The following BMP8B variants were observed in gnomAD, a reference collection of about 807,000 sequenced individuals.
BMP8B encodes the protein bone morphogenetic protein 8 (osteogenic protein 2).
In BMP8B, 17 loss-of-function variants were observed where a neutral mutation model predicts 30.3. The observed-to-expected ratio is 0.56, with a 90% CI of 0.38 to 0.84. BMP8B has a LOEUF of 0.84. Among genes scored for constraint, BMP8B ranks in the 40% least tolerant of loss-of-function variants. The probability of loss-of-function intolerance (pLI) is 0.00; values close to 1 mark genes in which losing one functional copy is unlikely to be tolerated. For synonymous variants in BMP8B, 131 were observed against 214.7 expected, an observed-to-expected ratio of 0.61 and a Z score of 3.41; for missense variants, 253 against 494.6, an observed-to-expected ratio of 0.51 and a Z score of 4.63.
intron 1 of BMP8B, among the ~76,000 whole-genome samples, chr1:39,785,993 A>G (rs1383920710): frequency 6.6e-6 from 1 of 152,204 alleles, no homozygotes; most frequent in Non-Finnish European, 1.5e-5. Flanking sequence ...TGGAGGCCCC[A>G]AGTCTTCATG....
At chr1:39,782,561 G>A (rs914830299) in intron 1 of BMP8B, among the ~76,000 whole-genome samples, 3 of 151,938 alleles carry the variant, frequency 2.0e-5, no homozygotes, top group Non-Finnish European at 4.4e-5. Flanking sequence ...TCCACCTCTT[G>A]GATTCAAGCA....
At chr1:39,775,767 C>T (rs1285104978) in intron 1 of BMP8B, among the ~76,000 whole-genome samples, 8 of 152,268 alleles carry the variant, frequency 5.3e-5, no homozygotes, top group South Asian at 2.1e-4. Flanking sequence ...AGGAGGGAAA[C>T]GTGGAAAGGA....
In BMP8B at chr1:39,788,402, CG is replaced by C; in HGVS notation, c.83del (p.Pro28ArgfsTer79). 9.3e-7 allele frequency: 1 copy of C among 1,078,770 alleles called. No homozygotes were observed. Among genetic ancestry groups the C allele is most frequent in the Non-Finnish European group, 1.1e-6 (1 of 891,902 alleles). The allele number at this position is 1,078,770 out of a possible 1,614,324, so 66.8% of individuals were successfully genotyped here. A position where few individuals can be genotyped will look rare whatever the true frequency, so the allele number is the denominator to read the frequency against. On this transcript the variant is annotated frameshift_variant, in exon 1 of 7. Coordinates refer to ENST00000372827, the MANE Select transcript of BMP8B (RefSeq NM_001720.5). LOFTEE classifies it high-confidence loss of function. This position sits in a 1 kb window ranked among gnomAD's most constrained non-coding sequence, Gnocchi z 5.8. ...CCAGACGTCGCTGGGGACAGCCGGGCGGGGGTCGCAGGCCGGGGCCGCCCCC... is the reference window on the plus strand; with the variant it reads ...CCAGACGTCGCTGGGGACAGCCGGGCGGGGTCGCAGGCCGGGGCCGCCCCC... ...LGGGGPGLRP[P>X]PGCPQRRLGA...
intron 1 of BMP8B, among the ~76,000 whole-genome samples, chr1:39,787,854 G>C (rs1234860033): frequency 6.6e-6 from 1 of 152,214 alleles, no homozygotes; most frequent in East Asian, 1.9e-4. Context: ...GTCTTCCCGG[G>C]GCAGCCCAGG....
At chr1:39,762,650 A>G (rs1649153084) in intron 6 of BMP8B, 2 of 1,539,868 alleles carry the variant, frequency 1.3e-6, no homozygotes, top group Middle Eastern at 1.7e-4. Flanking sequence ...GGTGCGGCAC[A>G]GGTGGGTGAG....
chr1:39,760,789 A>T (rs1301733887), intron 6 of BMP8B, among the ~76,000 whole-genome samples: 1 of 152,148 alleles, frequency 6.6e-6, no homozygotes, highest in Non-Finnish European at 1.5e-5. Context: ...GACACATGGC[A>T]GGGGGTGTGC....
At chr1:39,783,097 A>T (rs1245988369) in intron 1 of BMP8B, among the ~76,000 whole-genome samples, 1 of 152,192 alleles carries the variant, frequency 6.6e-6, no homozygotes, top group Admixed American at 6.5e-5. Flanking sequence ...AAAGATGAGG[A>T]AACTGAGATG....
intron 3 of BMP8B, among the ~76,000 whole-genome samples, chr1:39,769,172 G>A (rs1649777775): frequency 6.6e-6 from 1 of 150,454 alleles, no homozygotes; most frequent in Non-Finnish European, 1.5e-5. Context: ...GAGCGACAGA[G>A]CCAGACCCTG....
chr1:39,778,088 A>G (rs1306087930), intron 1 of BMP8B, among the ~76,000 whole-genome samples: 1 of 152,226 alleles, frequency 6.6e-6, no homozygotes, highest in East Asian at 1.9e-4. Flanking sequence ...ACGTCAACTC[A>G]TCGGCCCCTG....
chr1:39,771,265 G>C (rs1038326948), intron 3 of BMP8B: 23 of 1,511,372 alleles, frequency 1.5e-5, no homozygotes, highest in Non-Finnish European at 1.9e-5. Context: ...TAGTCGGCCC[G>C]GGTCGGAGGC....
intron 1 of BMP8B, among the ~76,000 whole-genome samples, chr1:39,785,598 A>G (rs2459561): frequency 1.3e-5 from 2 of 152,358 alleles, no homozygotes; most frequent in Non-Finnish European, 2.9e-5. Flanking sequence ...AGTCAGATGA[A>G]GCTGATAGGA....
chr1:39,762,817 G>A (rs995304522), intron 6 of BMP8B, among the ~76,000 whole-genome samples: 1 of 152,248 alleles, frequency 6.6e-6, no homozygotes, highest in Non-Finnish European at 1.5e-5. Flanking sequence ...AGGTGCGTAA[G>A]TGTCCCACAG....
Position 39,764,890 on chromosome 1 carries a change from C to T in BMP8B, c.674-73G>A, listed in dbSNP as rs200309133. 554 of 1,602,722 alleles carry T rather than the reference C, an allele frequency of 3.5e-4. 6 individuals are homozygous for T. Among genetic ancestry groups the T allele is most frequent in the Admixed American group, 1.6e-3 (98 of 59,602 alleles). Reference sequence around the variant, plus strand: ...GCAGACACAGCAGCGGTCTCTCTGCCGGGGCCTGGGCAGGTCCAGGAGCGT... The same window carrying T: ...GCAGACACAGCAGCGGTCTCTCTGCTGGGGCCTGGGCAGGTCCAGGAGCGT... On this transcript the variant is annotated intron_variant, in intron 3 of 6. Transcript: ENST00000372827.
chr1:39,761,430 A>AC (rs1231491050), intron 6 of BMP8B: 3 of 79,680 alleles, frequency 3.8e-5, no homozygotes, highest in African/African-American at 1.5e-4. Flanking sequence ...CACCACCCCC[A>AC]CCCCCAATCC....
At chr1:39,771,455 A>T (rs1233925537) in intron 3 of BMP8B, 30 of 599,734 alleles carry the variant, frequency 5.0e-5, no homozygotes, top group Middle Eastern at 4.7e-4. Context: ...GGGGCCCCCG[A>T]GTCAGTCCTC....
chr1:39,778,554 G>C (rs1650395657), intron 1 of BMP8B, among the ~76,000 whole-genome samples: 1 of 151,682 alleles, frequency 6.6e-6, no homozygotes, highest in African/African-American at 2.4e-5. Context: ...TCCATGCTGA[G>C]GTATTTCCAG....
At chr1:39,783,405 C>G (rs1650782518) in intron 1 of BMP8B, among the ~76,000 whole-genome samples, 1 of 152,152 alleles carries the variant, frequency 6.6e-6, no homozygotes, top group African/African-American at 2.4e-5. Context: ...TAGGACCAGT[C>G]ACTAGGGATG....
chr1:39,777,919 C>A (rs1024543453), intron 1 of BMP8B, among the ~76,000 whole-genome samples: 1 of 152,216 alleles, frequency 6.6e-6, no homozygotes, highest in African/African-American at 2.4e-5. Context: ...CTCAGTCCGA[C>A]TGAGAAGGCT....
intron 1 of BMP8B, among the ~76,000 whole-genome samples, chr1:39,777,520 G>A (rs1650313639): frequency 6.6e-6 from 1 of 152,242 alleles, no homozygotes; most frequent in Non-Finnish European, 1.5e-5. Flanking sequence ...GGCCACATCT[G>A]GGGCCCTGTG....
Sources: allele counts gnomAD v4.1 joint callset (sites outside exome capture counted in the v4.1 genomes callset), GRCh38; gene constraint gnomAD v4.1.1; non-coding constraint Gnocchi (gnomAD v3.1); transcripts MANE v1.5; gene names NCBI Gene and HGNC (gene_info 2026-07-23, HGNC 2026-07-21).